The following ZNF354B variants were observed in gnomAD, a reference collection of about 807,000 sequenced individuals.
ZNF354B encodes the protein zinc finger protein 354B.
Under a neutral mutation model 12.9 loss-of-function variants are expected in ZNF354B, and 10 were observed. That is an observed-to-expected ratio of 0.77 (90% confidence interval 0.48 to 1.31). The LOEUF is 1.31. Ranked by LOEUF, ZNF354B falls within the 40% of genes most tolerant of loss-of-function variation. The pLI, the probability that ZNF354B is intolerant of heterozygous loss-of-function variation, is 0.00. For missense variants in ZNF354B, 614 were observed against 711.7 expected, an observed-to-expected ratio of 0.86 and a Z score of 1.56; for synonymous variants, 260 against 243.7, an observed-to-expected ratio of 1.07 and a Z score of -0.62.
Position 178,883,399 on chromosome 5 carries a change from A to C in ZNF354B, c.947A>C (p.His316Pro). The C allele has an allele frequency of 1.2e-6, 2 of 1,614,168 alleles. No homozygotes were observed. The highest frequency in any genetic ancestry group is 1.7e-6 in the Non-Finnish European group (2 of 1,180,006). Reference protein sequence around the residue: ...SFSRRSGLFIHQKIHAQENPH... With the variant: ...SFSRRSGLFIPQKIHAQENPH... Reference sequence around the variant, plus strand: ...AGTCGAAGGTCTGGGCTTTTTATACATCAAAAAATCCATGCTCAAGAAAAT... The same window carrying C: ...AGTCGAAGGTCTGGGCTTTTTATACCTCAAAAAATCCATGCTCAAGAAAAT... Residue 316 changes from histidine to proline, a missense_variant, in exon 5 of 5, where the codon CAT (histidine) becomes CCT (proline). By Grantham distance (77) the His-to-Pro change is moderately conservative. Coordinates refer to ENST00000322434, the MANE Select transcript of ZNF354B (RefSeq NM_058230.3).
At chr5:178,878,685 GT>G (rs1339686977) in intron 4 of ZNF354B, among the ~76,000 whole-genome samples, 2 of 152,008 alleles carry the variant, frequency 1.3e-5, no homozygotes, top group African/African-American at 2.4e-5. Flanking sequence ...CCACTTGGAG[GT>G]TTTTTTGTTT....
At chr5:178,863,598 T>G (rs565550478) in intron 2 of ZNF354B, among the ~76,000 whole-genome samples, 1 of 152,366 alleles carries the variant, frequency 6.6e-6, no homozygotes, top group East Asian at 1.9e-4. Flanking sequence ...GTTATATATT[T>G]ATTGTACTAT....
rs1757450541 is a variant in ZNF354B at position 178,866,227 on chromosome 5, A to G, written c.34-17A>G. On this transcript the variant is annotated splice_polypyrimidine_tract_variant and intron_variant, in intron 2 of 4. Transcript: ENST00000322434. ...TGAGGGTGGTCCTGGGTGAGCTGGA[A>G]CGACTTGTCCTTACAGGTGTCACTG... 1 of 1,613,242 alleles carries G rather than the reference A, an allele frequency of 6.2e-7. No homozygotes were observed. The highest frequency in any genetic ancestry group is 1.3e-5 in the African/African-American group (1 of 74,904).
At chr5:178,881,543 A>G (rs1757718125) in intron 4 of ZNF354B, among the ~76,000 whole-genome samples, 1 of 152,242 alleles carries the variant, frequency 6.6e-6, no homozygotes, top group African/African-American at 2.4e-5. Context: ...AATTTCCCTT[A>G]TATAGATTTT....
intron 1 of ZNF354B, 92 bp from the exon 2 acceptor site, chr5:178,860,905 G>T: frequency 2.0e-6 from 1 of 507,986 alleles, no homozygotes; most frequent in Non-Finnish European, 3.5e-6. Flanking sequence ...GGGCGCGCGG[G>T]GTCCTTCTCA....
rs1757760571 is a variant in ZNF354B at position 178,883,952 on chromosome 5, C to G, written c.1500C>G (p.Asp500Glu). The G allele has an allele frequency of 6.2e-7, 1 of 1,613,886 alleles. No individual in the cohort carries two copies. The change falls in exon 5 of 5, where the codon GAC becomes GAG. Residue 500 changes from aspartate (D) to glutamate (E), a missense_variant. Transcript: ENST00000322434. ...GACCCTATAAGTGTAACGAATGTGA[C>G]AAAACATTCAGGTGTAACTCATCGC... ...GERPYKCNEC[D>E]KTFRCNSSLS...
At chr5:178,861,680 A>G (rs1288193361) in intron 2 of ZNF354B, among the ~76,000 whole-genome samples, 1 of 152,044 alleles carries the variant, frequency 6.6e-6, no homozygotes, top group East Asian at 1.9e-4. Flanking sequence ...AAGACCCCTC[A>G]GCTAGCGGCA....
chr5:178,863,637 G>A (rs979653868), intron 2 of ZNF354B, among the ~76,000 whole-genome samples: 3 of 152,122 alleles, frequency 2.0e-5, no homozygotes, highest in Non-Finnish European at 2.9e-5. Flanking sequence ...TCTTCCTTTT[G>A]CTTGTTTTTT....
chr5:178,884,161 G>T lies in ZNF354B; in HGVS notation c.1709G>T (p.Arg570Ile), dbSNP rs1329944732. ...RQSSSLIAHQ[R>I]IHTGEKPYEC... ...AGCTCATCACTTATTGCACATCAAA[G>T]AATTCATACTGGAGAGAAACCCTAT... Residue 570 changes from arginine (R) to isoleucine (I), a missense_variant, in exon 5 of 5, where the codon AGA (arginine) becomes ATA (isoleucine). Arg to Ile is a moderately conservative substitution (Grantham distance 97). Coordinates refer to ENST00000322434, the MANE Select transcript of ZNF354B (RefSeq NM_058230.3). 2 of 1,613,970 alleles carry T rather than the reference G, an allele frequency of 1.2e-6. No individual in the cohort carries two copies. The highest frequency in any genetic ancestry group is 1.7e-6 in the Non-Finnish European group (2 of 1,179,954).
chr5:178,882,558 A>T, intron 4 of ZNF354B, 151 bp from the exon 5 acceptor site: 1 of 683,582 alleles, frequency 1.5e-6, no homozygotes, highest in Non-Finnish European at 2.2e-6. Context: ...TTCAGCTGTC[A>T]TCCATTATTT....
intron 4 of ZNF354B, among the ~76,000 whole-genome samples, chr5:178,874,819 A>T (rs1411255806): frequency 6.6e-6 from 1 of 152,216 alleles, no homozygotes; most frequent in Non-Finnish European, 1.5e-5. Flanking sequence ...TTGATTTGCC[A>T]GAGTTCTCAT....
Position 178,883,445 on chromosome 5 carries a change from C to G in ZNF354B, c.993C>G (p.Gly331=), listed in dbSNP as rs4130052. The G allele has an allele frequency of 2.5e-6, 4 of 1,613,766 alleles. No homozygotes were observed. The Admixed American group carries it at 6.7e-5, about 27-fold the overall frequency. ...AQENPHKYNP[G]RKASSYSTSL... is the part of the protein sequence containing the mutation. Reference sequence around the variant, plus strand: ...AAAATCCCCATAAATACAATCCAGGCAGGAAGGCATCCAGTTACAGCACTT... The same window carrying G: ...AAAATCCCCATAAATACAATCCAGGGAGGAAGGCATCCAGTTACAGCACTT... The change falls in exon 5 of 5, where the codon GGC becomes GGG. Residue 331 remains glycine, a synonymous_variant. Transcript: ENST00000322434.
At chr5:178,865,292 G>A (rs1366226490) in intron 2 of ZNF354B, among the ~76,000 whole-genome samples, 1 of 151,862 alleles carries the variant, frequency 6.6e-6, no homozygotes, top group East Asian at 1.9e-4. Flanking sequence ...TTTTTGAGAT[G>A]GAGTCTCATT....
At chr5:178,882,291 G>A (rs1757729126) in intron 4 of ZNF354B, among the ~76,000 whole-genome samples, 1 of 152,146 alleles carries the variant, frequency 6.6e-6, no homozygotes, top group Admixed American at 6.5e-5. Flanking sequence ...GGTACACAGA[G>A]GAGTTAACAT....
Position 178,867,067 on chromosome 5 carries a change from T to C in ZNF354B, c.252T>C (p.Ser84=). 1 of 1,612,726 alleles carries C rather than the reference T, an allele frequency of 6.2e-7. No homozygotes were observed. The highest frequency in any genetic ancestry group is 8.5e-7 in the Non-Finnish European group (1 of 1,179,682). Residue 84 remains serine, a synonymous_variant, in exon 4 of 5, where the codon TCT becomes TCC. Coordinates refer to ENST00000322434, the MANE Select transcript of ZNF354B (RefSeq NM_058230.3). Reference sequence around the variant, plus strand: ...AGAAAGACAGTTCTGGTGTCTCCTCTCTAGGTAAGTGGGTGGCCCGAGGTG... The same window carrying C: ...AGAAAGACAGTTCTGGTGTCTCCTCCCTAGGTAAGTGGGTGGCCCGAGGTG... The part of the protein sequence containing the change: ...EVEKDSSGVS[S]LGCKSTPKMT...
intron 2 of ZNF354B, among the ~76,000 whole-genome samples, chr5:178,863,559 T>G (rs915478886): frequency 3.3e-5 from 5 of 152,260 alleles, no homozygotes; most frequent in Admixed American, 2.6e-4. Context: ...CAGTTCATAA[T>G]AGTTGATGAT....
Position 178,884,415 on chromosome 5 carries a change from A to G in ZNF354B, c.*124A>G, listed in dbSNP as rs944039116. ...TTTTAAGAATAAACTTTAGCTATGT[A>G]ATAACTTATGGGAAAAGCTTTTATA... On this transcript the variant is annotated 3_prime_UTR_variant, in exon 5 of 5. Transcript: ENST00000322434. 14 of 1,074,938 alleles carry G rather than the reference A, an allele frequency of 1.3e-5. No individual in the cohort carries two copies. In the African/African-American group the frequency reaches 2.2e-4, roughly 17 times the overall value. 66.6% of individuals were successfully genotyped at this position (1,074,938 alleles called of 1,614,324 possible). A position where few individuals can be genotyped will look rare whatever the true frequency, so the allele number is the denominator to read the frequency against.
intron 4 of ZNF354B, among the ~76,000 whole-genome samples, chr5:178,880,082 C>T (rs1046809427): frequency 6.6e-6 from 1 of 152,170 alleles, no homozygotes; most frequent in South Asian, 2.1e-4. Context: ...GCTGAGATCA[C>T]GTCACCGCAC....
At chr5:178,861,836 T>G (rs569916980) in intron 2 of ZNF354B, among the ~76,000 whole-genome samples, 1 of 152,254 alleles carries the variant, frequency 6.6e-6, no homozygotes, top group East Asian at 1.9e-4. Context: ...GTGCCTCAGT[T>G]TTCTCACCTG....
Sources: gnomAD v4.1 joint callset for allele counts (sites outside exome capture counted in the v4.1 genomes callset) on GRCh38, gnomAD v4.1.1 for gene constraint, MANE v1.5 for transcripts, NCBI Gene and HGNC (gene_info 2026-07-23, HGNC 2026-07-21) for gene names.